The following SH3RF2 variants were observed in gnomAD, a reference collection of about 807,000 sequenced individuals.
SH3RF2 encodes E3 ubiquitin-protein ligase SH3RF2.
SH3RF2 carries 43 observed loss-of-function variants against 59.0 expected under a neutral mutation model. The ratio of observed to expected loss-of-function variants is 0.73; its 90% confidence interval spans 0.57 to 0.94. The LOEUF (loss-of-function observed/expected upper bound fraction) is 0.94. Ranked by LOEUF, SH3RF2 falls within the 40% of genes least tolerant of loss-of-function variation. SH3RF2 has a pLI of 0.00. For missense variants in SH3RF2, 930 were observed against 940.1 expected, an observed-to-expected ratio of 0.99 and a Z score of 0.14; for synonymous variants, 391 against 391.5, an observed-to-expected ratio of 1.00 and a Z score of 0.01.
chr5:146,055,481 T>C (rs534916136), intron 7 of SH3RF2, among the ~76,000 whole-genome samples: 9 of 152,374 alleles, frequency 5.9e-5, no homozygotes, highest in Admixed American at 2.6e-4. Flanking sequence ...GAAAGCAGCA[T>C]AGCAGACATT....
chr5:146,029,642 T>C (rs1761672585), intron 5 of SH3RF2, among the ~76,000 whole-genome samples: 1 of 152,194 alleles, frequency 6.6e-6, no homozygotes, highest in African/African-American at 2.4e-5. Flanking sequence ...AAATCAGGCC[T>C]TCTTCCTAAG....
rs77336666 is a variant in SH3RF2, at chr5:146,014,708, C to T, written c.1059+647C>T. 3.8e-3 allele frequency among the ~76,000 whole-genome samples: 573 copies of T among 152,260 alleles called. 11 individuals are homozygous for T. The highest frequency in any genetic ancestry group is 0.012 in the African/African-American group (512 of 41,550). ...CCGGTGAAGCCAGCCCTGGGTGTTTCCAGATGGAGTACCTAATAAGATAAT... is the reference window on the plus strand; with the variant it reads ...CCGGTGAAGCCAGCCCTGGGTGTTTTCAGATGGAGTACCTAATAAGATAAT... On this transcript the variant is annotated intron_variant, in intron 5 of 9. Coordinates refer to ENST00000359120, the MANE Select transcript of SH3RF2 (RefSeq NM_152550.4).
chr5:145,948,246 C>T (rs958514392), intron 2 of SH3RF2, among the ~76,000 whole-genome samples: 1 of 152,192 alleles, frequency 6.6e-6, no homozygotes, highest in Admixed American at 6.5e-5. Context: ...TATGATTACA[C>T]ATCAAAATTT....
exon 10 of SH3RF2, chr5:146,079,539 C>T (rs983257763): frequency 6.6e-6 from 1 of 152,156 alleles, no homozygotes; most frequent in Non-Finnish European, 1.5e-5. Flanking sequence ...AGTTCAGATC[C>T]TAATTTTACT....
In SH3RF2 at chr5:146,034,095, G is replaced by T. The variant is rs1050987193; in HGVS notation, c.1060-13677G>T. Among the ~76,000 whole-genome samples the T allele has an allele frequency of 3.3e-5, 5 of 152,210 alleles. No homozygotes were observed. The South Asian group carries it at 1.0e-3, about 32-fold the overall frequency. ...GTTGTAAGGATGGGCCAAAATTAGG[G>T]ATTCTCCCCTTCTTAATGCAAATGC... On this transcript the variant is annotated intron_variant, in intron 5 of 9. Coordinates refer to ENST00000359120, the MANE Select transcript of SH3RF2 (RefSeq NM_152550.4).
At chr5:145,989,419 GC>G (rs1759848192) in intron 2 of SH3RF2, among the ~76,000 whole-genome samples, 1 of 152,184 alleles carries the variant, frequency 6.6e-6, no homozygotes, top group African/African-American at 2.4e-5. Context: ...TGTTTTCAGA[GC>G]AATTCACTCA....
At chr5:146,053,962 A>G (rs1762584069) in intron 7 of SH3RF2, among the ~76,000 whole-genome samples, 1 of 152,216 alleles carries the variant, frequency 6.6e-6, no homozygotes, top group East Asian at 1.9e-4. Context: ...CTTAAGGGCT[A>G]ACATCCCAGT....
chr5:146,034,669 T>A (rs17212260), intron 5 of SH3RF2, among the ~76,000 whole-genome samples: 43,085 of 152,084 alleles, frequency 0.28, 7,734 homozygotes, highest in Non-Finnish European at 0.38. Context: ...TTCCCAAGGA[T>A]ATCCAGTGAT....
intron 2 of SH3RF2, among the ~76,000 whole-genome samples, chr5:145,961,711 T>C (rs757803593): frequency 6.6e-6 from 1 of 152,230 alleles, no homozygotes; most frequent in Non-Finnish European, 1.5e-5. Flanking sequence ...GCCTGAGGCA[T>C]GGATTTTTAT....
chr5:146,008,951 T>G (rs144697467), intron 4 of SH3RF2, among the ~76,000 whole-genome samples: 3 of 152,250 alleles, frequency 2.0e-5, no homozygotes, highest in African/African-American at 7.2e-5. Flanking sequence ...TGCTGTTTCA[T>G]GTATCAGTAG....
chr5:146,003,662 G>A (rs1760516463), intron 3 of SH3RF2, among the ~76,000 whole-genome samples: 1 of 152,096 alleles, frequency 6.6e-6, no homozygotes, highest in Admixed American at 6.6e-5. Flanking sequence ...AAATTGAATA[G>A]GTTCTGAAAG....
intron 5 of SH3RF2, among the ~76,000 whole-genome samples, chr5:146,041,019 C>T (rs192518377): frequency 1.1e-4 from 16 of 152,296 alleles, no homozygotes; most frequent in African/African-American, 3.9e-4. Flanking sequence ...CTCCGTATGA[C>T]CCCTTTAGCC....
chr5:146,010,437 C>G (rs1760833581), intron 4 of SH3RF2, among the ~76,000 whole-genome samples: 1 of 152,154 alleles, frequency 6.6e-6, no homozygotes, highest in Non-Finnish European at 1.5e-5. Context: ...AGTTCTAGAT[C>G]CTTGAGGAAT....
chr5:146,081,602 CTG>C (rs1397731639), exon 10 of SH3RF2: 1 of 152,304 alleles, frequency 6.6e-6, no homozygotes, highest in East Asian at 1.9e-4. Context: ...TGCCAGAAAT[CTG>C]TGCATGAAAC....
chr5:146,057,950 CTCTCTCTCTCTCTCTCTCTATCTA>C (rs1261287621), intron 8 of SH3RF2, among the ~76,000 whole-genome samples: 2 of 131,470 alleles, frequency 1.5e-5, no homozygotes, highest in Admixed American at 7.9e-5. Flanking sequence ...CTCTCTCTCT[CTCTCTCTCTCTCTCTCTCTATCTA>C]TCTATCTATC....
intron 4 of SH3RF2, among the ~76,000 whole-genome samples, chr5:146,012,029 G>GTT (rs1396030279): frequency 6.6e-6 from 1 of 151,480 alleles, no homozygotes; most frequent in Non-Finnish European, 1.5e-5. Flanking sequence ...GTCATAAATA[G>GTT]CTCTTATTAT....
chr5:146,016,906 C>A (rs960451199), intron 5 of SH3RF2, among the ~76,000 whole-genome samples: 1 of 152,172 alleles, frequency 6.6e-6, no homozygotes, highest in Non-Finnish European at 1.5e-5. Context: ...TATGAACTAC[C>A]AGTTGTGTCC....
At chr5:146,000,391 T>C in intron 3 of SH3RF2, 64 bp downstream of exon 3, 1 of 1,435,176 alleles carries the variant, frequency 7.0e-7, no homozygotes, top group Non-Finnish European at 9.2e-7. Context: ...AGAACAGAGT[T>C]CCTTGTTTAA....
At chr5:146,073,528 T>A (rs1310900315) in intron 9 of SH3RF2, among the ~76,000 whole-genome samples, 1 of 152,228 alleles carries the variant, frequency 6.6e-6, no homozygotes, top group Non-Finnish European at 1.5e-5. Context: ...AAAATGCTGA[T>A]TAAACCCCCG....
Sources: allele counts gnomAD v4.1 joint callset (sites outside exome capture counted in the v4.1 genomes callset), GRCh38; gene constraint gnomAD v4.1.1; transcripts MANE v1.5; gene names NCBI Gene and HGNC (gene_info 2026-07-23, HGNC 2026-07-21).